The following ZNF493 variants were observed in gnomAD, a reference collection of about 807,000 sequenced individuals.
ZNF493 encodes zinc finger protein 493.
ZNF493 carries 11 observed loss-of-function variants against 12.2 expected under a neutral mutation model. The ratio of observed to expected loss-of-function variants is 0.90; its 90% CI spans 0.57 to 1.50. ZNF493 has a LOEUF of 1.50. Ranked by LOEUF, ZNF493 falls within the 40% of genes most tolerant of loss-of-function variation. ZNF493 has a pLI of 0.00. For synonymous variants in ZNF493, 286 were observed against 302.6 expected (o/e 0.95, Z 0.57); for missense variants, 950 against 906.6 (o/e 1.05, Z -0.61).
rs2030833986 is a variant in ZNF493 at position 21,425,542 on chromosome 19, A to G, written c.*558A>G. On this transcript the variant is annotated 3_prime_UTR_variant, in exon 4 of 4. Transcript: ENST00000392288. ...ACCTACAAATGTGAGGAATGTGGCA[A>G]AGCCTTTAGCCTGTCCCTCCAATTT... is the stretch of plus-strand genomic sequence containing the variant. 5 of 561,964 alleles carry G rather than the reference A, an allele frequency of 8.9e-6. No homozygotes were observed. Among genetic ancestry groups the G allele is most frequent in the Non-Finnish European group, 1.4e-5 (4 of 292,400 alleles). The allele number at this position is 561,964 out of a possible 1,614,324, so 34.8% of individuals were successfully genotyped here. A position where few individuals can be genotyped will look rare whatever the true frequency, so the allele number is the denominator to read the frequency against.
chr19:21,419,854 TCC>T (rs1361779695), intron 3 of ZNF493, among the ~76,000 whole-genome samples: 13 of 152,142 alleles, frequency 8.5e-5, no homozygotes, highest in African/African-American at 3.1e-4. Flanking sequence ...ATTCTGGGTC[TCC>T]TAGGGTGAGA....
Position 21,424,976 on chromosome 19 carries a change from C to T in ZNF493, c.2317C>T (p.Gln773Ter), listed in dbSNP as rs757678295. The change falls in exon 4 of 4, where the codon CAA becomes TAA. Residue 773 changes from glutamine (Q) to a stop codon, truncating the protein, a stop_gained. Coordinates refer to ENST00000392288, the MANE Select transcript of ZNF493 (RefSeq NM_001076678.3). LOFTEE classifies it high-confidence loss of function. ...TGGAATTCATACTGAAGAGACTGTA[C>T]AAAAGTGAAGAATGTGGCAAAGGCC... Reference protein sequence around the residue: ...HIGIHTEETVQK With the variant: ...HIGIHTEETV The T allele has an allele frequency of 5.0e-6, 8 of 1,586,474 alleles. No individual in the cohort carries two copies. The highest frequency in any genetic ancestry group is 6.8e-6 in the Non-Finnish European group (8 of 1,168,910).
chr19:21,397,473 C>G, intron 1 of ZNF493: 3 of 654,690 alleles, frequency 4.6e-6, no homozygotes, highest in Non-Finnish European at 8.3e-6. Flanking sequence ...CCTGTCTCTT[C>G]CCTGCACTGT....
rs543651980 is a variant in ZNF493, at chr19:21,416,517, C to T, written c.254-6396C>T. Among the ~76,000 whole-genome samples the T allele has an allele frequency of 1.1e-3, 161 of 152,266 alleles. 1 individual carries two copies. The highest frequency in any genetic ancestry group is 3.1e-3 in the African/African-American group (130 of 41,556). ...TAAATTGAGTGGGTTGAATTGGTCA[C>T]GCGGATGGCCAATGCTGTAGAGAAA... is the stretch of plus-strand genomic sequence containing the variant. On this transcript the variant is annotated intron_variant, in intron 3 of 3. Coordinates refer to ENST00000392288, the MANE Select transcript of ZNF493 (RefSeq NM_001076678.3).
intron 3 of ZNF493, chr19:21,413,559 C>T (rs1215387139): frequency 2.5e-6 from 1 of 404,386 alleles, no homozygotes; most frequent in Non-Finnish European, 4.3e-6. Context: ...GGGTTGTCCT[C>T]AGCATCAATC....
chr19:21,416,278 C>T (rs541398388), intron 3 of ZNF493, among the ~76,000 whole-genome samples: 1 of 152,158 alleles, frequency 6.6e-6, no homozygotes, highest in African/African-American at 2.4e-5. Flanking sequence ...GGGACATACC[C>T]CATTTCATGC....
intron 3 of ZNF493, among the ~76,000 whole-genome samples, chr19:21,411,252 A>G (rs930042162): frequency 4.6e-5 from 7 of 152,148 alleles, no homozygotes; most frequent in Admixed American, 4.6e-4. Flanking sequence ...GTAATCATAT[A>G]CAGAAGGCTT....
rs999586820 is a variant in ZNF493, at chr19:21,422,847, A to G, written c.254-66A>G. 7.3e-6 allele frequency: 10 copies of G among 1,367,668 alleles called. No individual in the cohort carries two copies. The African/African-American group carries it at 1.5e-4, about 20-fold the overall frequency. The allele number at this position is 1,367,668 out of a possible 1,614,324, so 84.7% of individuals were successfully genotyped here. On this transcript the variant is annotated intron_variant, in intron 3 of 3. Transcript: ENST00000392288. ...TGCAGTTTGTATAATATTATAGTTT[A>G]GATTTGTAATCTATATTTATCTGAG...
chr19:21,400,280 C>T (rs1005984964), intron 1 of ZNF493, among the ~76,000 whole-genome samples: 4 of 151,894 alleles, frequency 2.6e-5, no homozygotes, highest in Admixed American at 1.3e-4. Context: ...CATGGTGGCA[C>T]GCACCTGTAG....
rs958024486 is a variant in ZNF493 at position 21,427,005 on chromosome 19, CATT to C, written c.*2025_*2027del. 17 of 167,074 alleles carry C rather than the reference CATT, an allele frequency of 1.0e-4. No homozygotes were observed. Among genetic ancestry groups the C allele is most frequent in the South Asian group, 6.2e-4 (3 of 4,830 alleles). The allele number at this position is 167,074 out of a possible 1,614,324, so 10.3% of individuals were successfully genotyped here. On this transcript the variant is annotated 3_prime_UTR_variant, in exon 4 of 4. Transcript: ENST00000392288. Reference sequence around the variant, plus strand: ...GAAAAGCAAATGATGTAACTCAACTCATTATTTTCTGCTGTTTCTTCATTCTTA... The same window carrying C: ...GAAAAGCAAATGATGTAACTCAACTCATTTTCTGCTGTTTCTTCATTCTTA...
At position 21,427,390 on chromosome 19, in the gene ZNF493, T is replaced by C. The variant is rs2030880752; in HGVS notation, c.*2406T>C. 1 of 153,870 alleles carries C rather than the reference T, an allele frequency of 6.5e-6. No individual in the cohort carries two copies. The highest frequency in any genetic ancestry group is 1.5e-5 in the Non-Finnish European group (1 of 68,054). 9.5% of individuals were successfully genotyped at this position (153,870 alleles called of 1,614,324 possible). The stretch of plus-strand genomic sequence containing the variant: ...TGCCATGCTGGTGCGCTGCACCCAC[T>C]AACTCGTCATCTAGCATTAGGTATA... On this transcript the variant is annotated 3_prime_UTR_variant, in exon 4 of 4. Transcript: ENST00000392288.
intron 1 of ZNF493, 109 bp downstream of exon 1, chr19:21,397,376 G>A (rs1974188126): frequency 2.2e-6 from 3 of 1,340,738 alleles, no homozygotes; most frequent in Non-Finnish European, 3.2e-6. Flanking sequence ...TCCACAATCT[G>A]CTCCCTGAGT....
chr19:21,397,358 C>A (rs1009964551), intron 1 of ZNF493, 91 bp downstream of exon 1: 2 of 1,434,026 alleles, frequency 1.4e-6, no homozygotes, highest in African/African-American at 1.4e-5. Flanking sequence ...GGCCTCCCCG[C>A]AGTCAGCTCC....
intron 3 of ZNF493, chr19:21,413,597 C>T (rs1401687525): frequency 3.4e-5 from 14 of 407,198 alleles, no homozygotes; most frequent in East Asian, 2.5e-4. Context: ...AGGGGGTCCT[C>T]GGGATCCTCC....
chr19:21,420,629 T>TA (rs1568382560), intron 3 of ZNF493, among the ~76,000 whole-genome samples: 1 of 68,026 alleles, frequency 1.5e-5, no homozygotes, highest in African/African-American at 5.5e-5. Context: ...ATATATTTTT[T>TA]TTTTTTTTTT....
At chr19:21,414,021 A>C (rs1284832040) in intron 3 of ZNF493, 1 of 31,480 alleles carries the variant, frequency 3.2e-5, no homozygotes, top group African/African-American at 1.6e-4. Flanking sequence ...TTAATATTCC[A>C]CACAGAGAAA....
At chr19:21,421,786 A>G (rs2030685743) in intron 3 of ZNF493, among the ~76,000 whole-genome samples, 1 of 152,212 alleles carries the variant, frequency 6.6e-6, no homozygotes, top group African/African-American at 2.4e-5. Flanking sequence ...GAGTCTCTCA[A>G]ACATGTTCTT....
chr19:21,419,975 C>T (rs376779415), intron 3 of ZNF493, among the ~76,000 whole-genome samples: 17 of 152,152 alleles, frequency 1.1e-4, no homozygotes, highest in Admixed American at 2.6e-4. Flanking sequence ...AAAATTGACA[C>T]GGCCACTCCT....
At chr19:21,407,794 C>T (rs2030182513) in intron 3 of ZNF493, 1 of 985,070 alleles carries the variant, frequency 1.0e-6, no homozygotes, top group Non-Finnish European at 1.2e-6. Context: ...TCTTCAGTTT[C>T]AATGGCTTTA....
Sources: gnomAD v4.1 joint callset for allele counts (sites outside exome capture counted in the v4.1 genomes callset) on GRCh38, gnomAD v4.1.1 for gene constraint, MANE v1.5 for transcripts, NCBI Gene and HGNC (gene_info 2026-07-23, HGNC 2026-07-21) for gene names.